Variants in KIRREL3 observed in about 807,000 individuals in gnomAD.
KIRREL3 encodes the protein kin of IRRE-like protein 3.
A neutral mutation model predicts 89.7 loss-of-function variants in KIRREL3; 36 were observed. The observed-to-expected ratio is 0.40, with a 90% CI of 0.31 to 0.53. KIRREL3 has a LOEUF of 0.53. Ranked by LOEUF, KIRREL3 falls within the 20% of genes least tolerant of loss-of-function variation. KIRREL3 has a pLI of 0.49. For synonymous variants in KIRREL3, 445 were observed against 441.4 expected (o/e 1.01, Z -0.10); for missense variants, 864 against 1,056.6 (o/e 0.82, Z 2.53).
intron 1 of KIRREL3, among the ~76,000 whole-genome samples, chr11:126,880,023 A>C (rs939806574): frequency 1.3e-5 from 2 of 152,332 alleles, no homozygotes; most frequent in Non-Finnish European, 2.9e-5. Flanking sequence ...GGTATTGTGA[A>C]AGCAATTTGG....
chr11:126,975,903 C>T (rs1401928094), intron 1 of KIRREL3, among the ~76,000 whole-genome samples: 1 of 92,752 alleles, frequency 1.1e-5, no homozygotes, highest in Non-Finnish European at 2.1e-5. Flanking sequence ...TCCCTCCCTC[C>T]CTTCCTCCCT....
intron 1 of KIRREL3, among the ~76,000 whole-genome samples, chr11:126,649,677 A>C (rs1944832735): frequency 6.6e-6 from 1 of 152,162 alleles, no homozygotes; most frequent in South Asian, 2.1e-4. Flanking sequence ...TTTGCAGGGT[A>C]CAGCCTCCCT....
At chr11:126,702,144 C>T (rs535292026) in intron 1 of KIRREL3, among the ~76,000 whole-genome samples, 46 of 152,262 alleles carry the variant, frequency 3.0e-4, no homozygotes, top group Non-Finnish European at 6.3e-4. Context: ...GTCTCCTGTC[C>T]AAACCTTCAT....
At chr11:126,629,649 C>T (rs1220319184) in intron 1 of KIRREL3, among the ~76,000 whole-genome samples, 1 of 152,184 alleles carries the variant, frequency 6.6e-6, no homozygotes, top group African/African-American at 2.4e-5. Flanking sequence ...CTATAGGCTT[C>T]AGATTGGGTC....
chr11:126,559,886 T>A (rs1428021227), intron 2 of KIRREL3, among the ~76,000 whole-genome samples: 1 of 152,118 alleles, frequency 6.6e-6, no homozygotes, highest in African/African-American at 2.4e-5. Context: ...TTTCACCATG[T>A]TGGCCAGGCT....
intron 7 of KIRREL3, among the ~76,000 whole-genome samples, chr11:126,452,133 T>C (rs1321227510): frequency 6.6e-6 from 1 of 152,196 alleles, no homozygotes; most frequent in Non-Finnish European, 1.5e-5. Context: ...ACCAAGCAGT[T>C]GTTATTGCAA....
In KIRREL3 at chr11:126,530,785, G is replaced by A. The variant is rs1958918181; in HGVS notation, c.134-4098C>T. ...TTCCCTGATGATGTTCCCCTGGTGT[G>A]AAGCCTTGGCGGCCGGTGCAATCTC... On this transcript the variant is annotated intron_variant, in intron 2 of 16. Coordinates refer to ENST00000525144, the MANE Select transcript of KIRREL3 (RefSeq NM_032531.4). This position sits in a 1 kb window ranked among gnomAD's most constrained non-coding sequence, Gnocchi z 5.8. Among the ~76,000 whole-genome samples the A allele has an allele frequency of 6.6e-6, 1 of 152,128 alleles. No homozygotes were observed. The highest frequency in any genetic ancestry group is 2.1e-4 in the South Asian group (1 of 4,824).
chr11:126,656,068 C>T lies in KIRREL3; in HGVS notation c.56-93156G>A, dbSNP rs1945123266. 2.2e-6 allele frequency: 1 copy of T among 446,044 alleles called. No individual in the cohort carries two copies. The highest frequency in any genetic ancestry group is 4.5e-6 in the Non-Finnish European group (1 of 220,340). 27.6% of individuals were successfully genotyped at this position (446,044 alleles called of 1,614,324 possible). A position where few individuals can be genotyped will look rare whatever the true frequency, so the allele number is the denominator to read the frequency against. On this transcript the variant is annotated intron_variant, in intron 1 of 16. Transcript: ENST00000525144. This position sits in a 1 kb window ranked among gnomAD's most constrained non-coding sequence, Gnocchi z 4.0. ...GAGCCAGGAGAGTCCTGTGGATTCA[C>T]TAGATTCTGGGACTATACCTTATCT...
At chr11:126,895,063 A>G (rs1169585823) in intron 1 of KIRREL3, among the ~76,000 whole-genome samples, 1 of 152,198 alleles carries the variant, frequency 6.6e-6, no homozygotes, top group Non-Finnish European at 1.5e-5. Flanking sequence ...CTTTAAAACA[A>G]GGAGCTCCCA....
In KIRREL3 at chr11:126,491,978, AG is replaced by A. The variant is rs1242891681; in HGVS notation, c.434-18513del. Among the ~76,000 whole-genome samples the A allele has an allele frequency of 6.6e-6, 1 of 152,206 alleles. No individual in the cohort carries two copies. Among genetic ancestry groups the A allele is most frequent in the Non-Finnish European group, 1.5e-5 (1 of 68,044 alleles). On this transcript the variant is annotated intron_variant, in intron 4 of 16. Transcript: ENST00000525144. This position sits in a 1 kb window ranked among gnomAD's most constrained non-coding sequence, Gnocchi z 5.5. ...CAGCTTCCCAAAGTGCTAGGATTAC[AG>A]GTGTGAGCCACCACGCCTGGGAGAT...
At chr11:126,637,416 T>C (rs955004824) in intron 1 of KIRREL3, among the ~76,000 whole-genome samples, 1 of 152,204 alleles carries the variant, frequency 6.6e-6, no homozygotes, top group Non-Finnish European at 1.5e-5. Context: ...CTGCAGACGT[T>C]GTGCTTCCTG....
intron 1 of KIRREL3, among the ~76,000 whole-genome samples, chr11:126,589,225 G>T (rs1942022112): frequency 6.6e-6 from 1 of 152,218 alleles, no homozygotes; most frequent in Non-Finnish European, 1.5e-5. Context: ...TAACACAATG[G>T]CAGATGAAGG....
chr11:126,529,688 G>A (rs1356322708), intron 2 of KIRREL3, among the ~76,000 whole-genome samples: 3 of 151,222 alleles, frequency 2.0e-5, no homozygotes. Context: ...GACTGTTTCT[G>A]GGGAAGATGA....
Position 126,923,165 on chromosome 11 carries a change from T to TTCTTCTTCTTCTTCTTC in KIRREL3, c.55+77289_55+77290insGAAGAAGAAGAAGAAGA, listed in dbSNP as rs1592368578. ...CTTCTTCTTCTTCTTCTTCTTCTTC[T>TTCTTCTTCTTCTTCTTC]TCTTCTTCTTCTCTTCTTCTTCTCT... On this transcript the variant is annotated intron_variant, in intron 1 of 16. Transcript: ENST00000525144. Among the ~76,000 whole-genome samples, 2 of 24,516 alleles carry TTCTTCTTCTTCTTCTTC rather than the reference T, an allele frequency of 8.2e-5. 1 individual carries two copies. The highest frequency in any genetic ancestry group is 1.0e-3 in the Admixed American group (2 of 1,958). The allele number at this position is 24,516 out of a possible 152,430, so 16.1% of individuals were successfully genotyped here.
rs143357647 is a variant in KIRREL3 at position 126,464,030 on chromosome 11, A to G, written c.592-723T>C. ...GTCCTGAAATAAGTACTAGTCTCCT[A>G]CAGCAGGTTGAATGGTGTCCTCTCC... is the stretch of plus-strand genomic sequence containing the variant. On this transcript the variant is annotated intron_variant, in intron 5 of 16. Coordinates refer to ENST00000525144, the MANE Select transcript of KIRREL3 (RefSeq NM_032531.4). Among the ~76,000 whole-genome samples the G allele has an allele frequency of 1.1e-4, 17 of 152,288 alleles. No individual in the cohort carries two copies. The South Asian group carries it at 1.7e-3, about 15-fold the overall frequency.
chr11:126,495,039 G>A lies in KIRREL3; in HGVS notation c.434-21573C>T, dbSNP rs1217270803. On this transcript the variant is annotated intron_variant, in intron 4 of 16. Coordinates refer to ENST00000525144, the MANE Select transcript of KIRREL3 (RefSeq NM_032531.4). This position sits in a 1 kb window ranked among gnomAD's most constrained non-coding sequence, Gnocchi z 6.5. ...GAGGTTCAACCAGGGTGGCTAGGCT[G>A]TGCACTGGCCAATTCCAGTGGGCAC... 1.3e-5 allele frequency among the ~76,000 whole-genome samples: 2 copies of A among 152,198 alleles called. No individual in the cohort carries two copies. Among genetic ancestry groups the A allele is most frequent in the Non-Finnish European group, 2.9e-5 (2 of 68,036 alleles).
At position 126,432,451 on chromosome 11, in the gene KIRREL3, T is replaced by C. The variant is rs1404997667; in HGVS notation, c.1589-925A>G. Among the ~76,000 whole-genome samples, 1 of 152,100 alleles carries C rather than the reference T, an allele frequency of 6.6e-6. No individual in the cohort carries two copies. The highest frequency in any genetic ancestry group is 1.5e-5 in the Non-Finnish European group (1 of 67,998). On this transcript the variant is annotated intron_variant, in intron 13 of 16. Transcript: ENST00000525144. This position sits in a 1 kb window ranked among gnomAD's most constrained non-coding sequence, Gnocchi z 6.2. The stretch of plus-strand genomic sequence containing the variant: ...ATCCATCAGGAATAGAACTAGAGAA[T>C]GCTGGGGCAGGGAGAGCTTGGGGCT...
chr11:126,818,174 A>C (rs1951644344), intron 1 of KIRREL3, among the ~76,000 whole-genome samples: 1 of 152,264 alleles, frequency 6.6e-6, no homozygotes, highest in Non-Finnish European at 1.5e-5. Context: ...CTGCACAGCC[A>C]GGACAGAAGC....
intron 1 of KIRREL3, among the ~76,000 whole-genome samples, chr11:126,589,172 A>G (rs1942019007): frequency 6.6e-6 from 1 of 152,176 alleles, no homozygotes; most frequent in Non-Finnish European, 1.5e-5. Flanking sequence ...CTGGCTGGAG[A>G]CAATATTTCT....
Sources: allele counts gnomAD v4.1 joint callset (sites outside exome capture counted in the v4.1 genomes callset), GRCh38; gene constraint gnomAD v4.1.1; non-coding constraint Gnocchi (gnomAD v3.1); transcripts MANE v1.5; gene names NCBI Gene and HGNC (gene_info 2026-07-23, HGNC 2026-07-21).